CDH20: variants seen among roughly 807,000 people sequenced by gnomAD.
The protein encoded by CDH20 is cadherin-20.
In CDH20, 29 loss-of-function variants were observed where a neutral mutation model predicts 74.2. The ratio of observed to expected loss-of-function variants is 0.39; its 90% CI spans 0.29 to 0.53. The LOEUF (loss-of-function observed/expected upper bound fraction) is 0.53. Among genes scored for constraint, CDH20 ranks in the 20% least tolerant of loss-of-function variants. The probability of loss-of-function intolerance (pLI) is 0.69; values close to 1 mark genes in which losing one functional copy is unlikely to be tolerated. For synonymous variants in CDH20, 469 were observed against 405.4 expected (o/e 1.16, Z -1.88); for missense variants, 988 against 1,048.3 (o/e 0.94, Z 0.79).
At chr18:61,385,735 A>AT (rs777386266) in intron 1 of CDH20, among the ~76,000 whole-genome samples, 81 of 152,202 alleles carry the variant, frequency 5.3e-4, no homozygotes, top group East Asian at 1.7e-3. Context: ...GTTTGAGACC[A>AT]GCTGGCCAAC....
At position 61,461,633 on chromosome 18, in the gene CDH20, A is replaced by G. The variant is rs193079288; in HGVS notation, c.-152-28769A>G. ...AGGTTCTTGGCATTTTGAACAAATA[A>G]TTGGACAAAATGCACAAACAAAGCG... On this transcript the variant is annotated intron_variant, in intron 1 of 11. Transcript: ENST00000262717. Among the ~76,000 whole-genome samples, 461 of 152,296 alleles carry G rather than the reference A, an allele frequency of 3.0e-3. 3 individuals are homozygous for G. Among genetic ancestry groups the G allele is most frequent in the African/African-American group, 0.01 (426 of 41,580 alleles).
chr18:61,363,321 G>A (rs1286803986), intron 1 of CDH20, among the ~76,000 whole-genome samples: 1 of 151,930 alleles, frequency 6.6e-6, no homozygotes, highest in African/African-American at 2.4e-5. Flanking sequence ...TCTTTATTGA[G>A]CTGTGTACTT....
chr18:61,367,905 A>G (rs963506779), intron 1 of CDH20, among the ~76,000 whole-genome samples: 1 of 151,738 alleles, frequency 6.6e-6, no homozygotes, highest in South Asian at 2.1e-4. Flanking sequence ...GTTTTGTATC[A>G]TTTCCCCTCT....
intron 6 of CDH20, among the ~76,000 whole-genome samples, chr18:61,517,538 G>C (rs1912041333): frequency 6.6e-6 from 1 of 152,168 alleles, no homozygotes; most frequent in Admixed American, 6.5e-5. Flanking sequence ...GTGCTGTAAG[G>C]AACAGTGCAT....
chr18:61,532,943 G>A (rs1438580928), intron 7 of CDH20, among the ~76,000 whole-genome samples: 5 of 152,012 alleles, frequency 3.3e-5, no homozygotes, highest in African/African-American at 1.2e-4. Flanking sequence ...CCATAAAGAT[G>A]GCTTCAAGTC....
Position 61,554,845 on chromosome 18 carries a change from A to AAGC in CDH20, c.*150_*151insAGC. The AAGC allele has an allele frequency of 7.1e-7, 1 of 1,416,224 alleles. No homozygotes were observed. Among genetic ancestry groups the AAGC allele is most frequent in the Non-Finnish European group, 9.2e-7 (1 of 1,088,368 alleles). 87.7% of individuals were successfully genotyped at this position (1,416,224 alleles called of 1,614,324 possible). ...ACAGAGCTCTCTCTGGATCAGCTTT[A>AAGC]CTTGGGTAGATTAAGTTAAATAAGC... is the stretch of plus-strand genomic sequence containing the variant. On this transcript the variant is annotated 3_prime_UTR_variant, in exon 12 of 12. Coordinates refer to ENST00000262717, the MANE Select transcript of CDH20 (RefSeq NM_031891.4).
chr18:61,471,006 A>C (rs1910155179), intron 1 of CDH20, among the ~76,000 whole-genome samples: 1 of 152,150 alleles, frequency 6.6e-6, no homozygotes, highest in African/African-American at 2.4e-5. Context: ...GAAACATGTA[A>C]CTTGATTAAG....
At position 61,353,257 on chromosome 18, in the gene CDH20, A is replaced by T. The variant is rs1351215813; in HGVS notation, c.-153+19430A>T. ...ATCTACATCCAGATAACTCTCTTGC[A>T]TGATACACACCAATACACATTCTTT... On this transcript the variant is annotated intron_variant, in intron 1 of 11. Coordinates refer to ENST00000262717, the MANE Select transcript of CDH20 (RefSeq NM_031891.4). The surrounding 1 kb of genome is among the most constrained non-coding windows in gnomAD (Gnocchi z 4.6). Among the ~76,000 whole-genome samples, 1 of 152,204 alleles carries T rather than the reference A, an allele frequency of 6.6e-6. No homozygotes were observed. The highest frequency in any genetic ancestry group is 1.5e-5 in the Non-Finnish European group (1 of 68,034).
chr18:61,487,197 C>A (rs1018904857), intron 1 of CDH20, among the ~76,000 whole-genome samples: 3 of 152,160 alleles, frequency 2.0e-5, no homozygotes, highest in South Asian at 2.1e-4. Context: ...TATACAAATA[C>A]ACATGTATCA....
At chr18:61,545,003 C>G (rs1460822650) in intron 9 of CDH20, 24 bp from the exon 10 acceptor site, 4 of 1,525,482 alleles carry the variant, frequency 2.6e-6, no homozygotes, top group Admixed American at 1.7e-5. Context: ...CTCCAACTCA[C>G]CTGATTTCAT....
At chr18:61,517,873 G>A (rs1056459487) in intron 6 of CDH20, among the ~76,000 whole-genome samples, 3 of 152,164 alleles carry the variant, frequency 2.0e-5, no homozygotes, top group Admixed American at 2.0e-4. Context: ...CCACTGGCTT[G>A]AAATTCCTGC....
intron 1 of CDH20, among the ~76,000 whole-genome samples, chr18:61,370,883 T>C (rs1306935963): frequency 6.6e-6 from 1 of 152,070 alleles, no homozygotes; most frequent in Non-Finnish European, 1.5e-5. Flanking sequence ...AATTTTTAAG[T>C]CAAAAACCAC....
intron 1 of CDH20, among the ~76,000 whole-genome samples, chr18:61,379,849 G>C (rs1040043477): frequency 2.6e-5 from 4 of 152,160 alleles, no homozygotes; most frequent in African/African-American, 9.7e-5. Context: ...AAGCAGAGAG[G>C]TAGGTCTTTG....
intron 1 of CDH20, among the ~76,000 whole-genome samples, chr18:61,393,617 G>A (rs1240094133): frequency 6.6e-6 from 1 of 152,182 alleles, no homozygotes; most frequent in South Asian, 2.1e-4. Flanking sequence ...AGGCAGATTG[G>A]CACCTGTGGA....
chr18:61,455,982 G>A (rs1379722360), intron 1 of CDH20, among the ~76,000 whole-genome samples: 1 of 152,140 alleles, frequency 6.6e-6, no homozygotes, highest in Non-Finnish European at 1.5e-5. Flanking sequence ...CGTTTAAATA[G>A]AGACATTTAA....
chr18:61,555,354 G>A lies in CDH20; in HGVS notation c.*659G>A. 1.0e-6 allele frequency: 1 copy of A among 985,498 alleles called. No homozygotes were observed. The highest frequency in any genetic ancestry group is 4.7e-5 in the South Asian group (1 of 21,290). 61.0% of individuals were successfully genotyped at this position (985,498 alleles called of 1,614,324 possible). A position where few individuals can be genotyped will look rare whatever the true frequency, so the allele number is the denominator to read the frequency against. Reference sequence around the variant, plus strand: ...TTTAGTGGCTGAACCAAGAGATGTTGGCATTACAGCTCATCCAACGCCATC... The same window carrying A: ...TTTAGTGGCTGAACCAAGAGATGTTAGCATTACAGCTCATCCAACGCCATC... On this transcript the variant is annotated 3_prime_UTR_variant, in exon 12 of 12. Coordinates refer to ENST00000262717, the MANE Select transcript of CDH20 (RefSeq NM_031891.4).
At chr18:61,522,719 A>G (rs1275806442) in intron 6 of CDH20, among the ~76,000 whole-genome samples, 1 of 152,214 alleles carries the variant, frequency 6.6e-6, no homozygotes, top group Non-Finnish European at 1.5e-5. Flanking sequence ...AAACAGATAT[A>G]TAGACCAATG....
intron 1 of CDH20, among the ~76,000 whole-genome samples, chr18:61,442,453 C>T (rs1909066761): frequency 6.6e-6 from 1 of 151,756 alleles, no homozygotes; most frequent in African/African-American, 2.4e-5. Flanking sequence ...AGTGGTTTTC[C>T]AGAACTTTAC....
intron 1 of CDH20, among the ~76,000 whole-genome samples, chr18:61,424,781 T>C (rs748012504): frequency 2.0e-5 from 3 of 152,178 alleles, no homozygotes; most frequent in Non-Finnish European, 4.4e-5. Flanking sequence ...TTTTAACTCA[T>C]GTATTTCTTC....
Sources: allele counts gnomAD v4.1 joint callset (sites outside exome capture counted in the v4.1 genomes callset), GRCh38; gene constraint gnomAD v4.1.1; non-coding constraint Gnocchi (gnomAD v3.1); transcripts MANE v1.5; gene names NCBI Gene and HGNC (gene_info 2026-07-23, HGNC 2026-07-21).